ROBO2: variants seen among roughly 807,000 people sequenced by gnomAD.
ROBO2 encodes roundabout homolog 2.
Under a neutral mutation model 160.8 loss-of-function variants are expected in ROBO2, and 53 were observed. The observed-to-expected ratio is 0.33, with a 90% CI of 0.26 to 0.41. ROBO2 has a LOEUF of 0.41. Ranked by LOEUF, ROBO2 falls within the 10% of genes least tolerant of loss-of-function variation. The probability of loss-of-function intolerance (pLI) is 1.00; values close to 1 mark genes in which losing one functional copy is unlikely to be tolerated. For synonymous variants in ROBO2, 664 were observed against 611.7 expected (o/e 1.09, Z -1.26); for missense variants, 1,577 against 1,722.4 (o/e 0.92, Z 1.49).
intron 1 of ROBO2, among the ~76,000 whole-genome samples, chr3:77,065,533 T>C (rs2066750786): frequency 6.6e-6 from 1 of 152,142 alleles, no homozygotes; most frequent in Non-Finnish European, 1.5e-5. Context: ...TAGTCAGATG[T>C]CATTTGAGTA....
intron 6 of ROBO2, among the ~76,000 whole-genome samples, chr3:77,526,050 A>G (rs1250329802): frequency 6.6e-6 from 1 of 151,384 alleles, no homozygotes; most frequent in African/African-American, 2.4e-5. Context: ...CTGCAAAAAG[A>G]AAGAAATCGT....
chr3:76,381,588 A>T (rs1164654383), intron 2 of ROBO2, among the ~76,000 whole-genome samples: 1 of 152,044 alleles, frequency 6.6e-6, no homozygotes, highest in African/African-American at 2.4e-5. Flanking sequence ...TGACTTCATG[A>T]TCCACCCACC....
chr3:77,442,067 C>T (rs943175788), intron 2 of ROBO2, among the ~76,000 whole-genome samples: 33 of 152,248 alleles, frequency 2.2e-4, no homozygotes, highest in Non-Finnish European at 4.1e-4. Context: ...AATCCCAGCA[C>T]TTTGGGAGGC....
intron 2 of ROBO2, among the ~76,000 whole-genome samples, chr3:76,042,345 T>G (rs2067299763): frequency 6.6e-6 from 1 of 152,060 alleles, no homozygotes; most frequent in Admixed American, 6.5e-5. Flanking sequence ...TGCACAGGTA[T>G]GTGCGAATAT....
intron 2 of ROBO2, among the ~76,000 whole-genome samples, chr3:76,495,803 C>T (rs965424755): frequency 1.3e-4 from 20 of 152,056 alleles, no homozygotes; most frequent in African/African-American, 4.3e-4. Flanking sequence ...GAGATAAATC[C>T]AGTGTCAGTC....
intron 21 of ROBO2, 122 bp from the exon 23 acceptor site, chr3:77,617,391 A>G (rs2094804262): frequency 8.9e-7 from 1 of 1,121,826 alleles, no homozygotes; most frequent in Non-Finnish European, 1.3e-6. Flanking sequence ...AGCTTCAGGA[A>G]GAAATAAACC....
rs1179397611 is a variant in ROBO2 at position 76,564,068 on chromosome 3, T to C, written c.110-533946T>C. 2.0e-5 allele frequency among the ~76,000 whole-genome samples: 3 copies of C among 152,208 alleles called. No individual in the cohort carries two copies. In the East Asian group the frequency reaches 5.8e-4, roughly 30 times the overall value. On this transcript the variant is annotated intron_variant, in intron 2 of 26. Coordinates refer to the ROBO2 transcript ENST00000487694. ...TAAAAATACAAAAATTAGCCAGGCA[T>C]GGTGGCAGGTGCCTGTAATCCCAGC... is the stretch of plus-strand genomic sequence containing the variant.
intron 2 of ROBO2, among the ~76,000 whole-genome samples, chr3:76,510,179 T>G (rs2107739192): frequency 6.6e-6 from 1 of 152,140 alleles, no homozygotes; most frequent in African/African-American, 2.4e-5. Context: ...TACTTTGTGG[T>G]GAAAGAATAT....
intron 2 of ROBO2, among the ~76,000 whole-genome samples, chr3:76,321,756 A>C (rs2072544980): frequency 6.6e-6 from 1 of 152,074 alleles, no homozygotes; most frequent in Non-Finnish European, 1.5e-5. Flanking sequence ...ATGAATCTAG[A>C]ATTTATAGAA....
At chr3:76,923,817 T>G (rs2076817201) in intron 2 of ROBO2, among the ~76,000 whole-genome samples, 2 of 152,232 alleles carry the variant, frequency 1.3e-5, no homozygotes, top group Non-Finnish European at 2.9e-5. Context: ...TTTCTGTGCT[T>G]CTCCCAAGTT....
intron 2 of ROBO2, among the ~76,000 whole-genome samples, chr3:76,095,119 A>T (rs991872585): frequency 7.2e-5 from 11 of 152,164 alleles, no homozygotes; most frequent in African/African-American, 2.7e-4. Flanking sequence ...AGTATGGGTG[A>T]GTATGAGACT....
intron 1 of ROBO2, 25 bp downstream of exon 1, chr3:77,040,871 T>C (rs779596960): frequency 2.5e-5 from 41 of 1,613,914 alleles, no homozygotes; most frequent in Non-Finnish European, 3.2e-5. Context: ...CTTTCATCTT[T>C]TTTTGCGCCC....
intron 2 of ROBO2, among the ~76,000 whole-genome samples, chr3:76,728,552 T>A (rs189216170): frequency 1.2e-4 from 19 of 152,280 alleles, no homozygotes; most frequent in African/African-American, 4.1e-4. Context: ...TTTTATTCAG[T>A]CCTGTCAGTT....
chr3:77,365,179 A>G (rs1020112980), intron 2 of ROBO2, among the ~76,000 whole-genome samples: 1 of 151,292 alleles, frequency 6.6e-6, no homozygotes, highest in African/African-American at 2.4e-5. Context: ...AAAGAAAAAG[A>G]AGAGGTTCTA....
In ROBO2 at chr3:76,219,768, G is replaced by A. The variant is rs551360795; in HGVS notation, c.109+282166G>A. Among the ~76,000 whole-genome samples, 81 of 152,288 alleles carry A rather than the reference G, an allele frequency of 5.3e-4. No individual in the cohort carries two copies. The South Asian group carries it at 0.016, about 29-fold the overall frequency. On this transcript the variant is annotated intron_variant, in intron 2 of 26. Coordinates refer to the ROBO2 transcript ENST00000487694. Reference sequence around the variant, plus strand: ...TTCAACCATTGTGGAAGTCAGTGTGGCAATTCCTCAGGGATCTAGAACTAG... The same window carrying A: ...TTCAACCATTGTGGAAGTCAGTGTGACAATTCCTCAGGGATCTAGAACTAG...
At chr3:76,445,808 A>T (rs546541465) in intron 2 of ROBO2, among the ~76,000 whole-genome samples, 1 of 152,310 alleles carries the variant, frequency 6.6e-6, no homozygotes, top group South Asian at 2.1e-4. Context: ...ATCTCAACAG[A>T]TGAAGAAAAG....
intron 2 of ROBO2, among the ~76,000 whole-genome samples, chr3:76,634,563 G>A (rs1009930103): frequency 1.1e-4 from 14 of 125,974 alleles, no homozygotes; most frequent in South Asian, 2.7e-4. Flanking sequence ...GTGAGACTTC[G>A]TCTCAAAGAG....
intron 2 of ROBO2, among the ~76,000 whole-genome samples, chr3:76,482,164 C>A (rs1285530600): frequency 2.6e-5 from 4 of 152,122 alleles, no homozygotes; most frequent in African/African-American, 4.8e-5. Context: ...TAGAATCACG[C>A]TCTGCAGGTA....
intron 2 of ROBO2, among the ~76,000 whole-genome samples, chr3:76,987,536 AT>A (rs1178535421): frequency 6.6e-6 from 1 of 152,122 alleles, no homozygotes; most frequent in Non-Finnish European, 1.5e-5. Context: ...CTATGTAGCA[AT>A]GTATTTTACT....
Sources: gnomAD v4.1 joint callset for allele counts (sites outside exome capture counted in the v4.1 genomes callset) on GRCh38, gnomAD v4.1.1 for gene constraint, MANE v1.5 for transcripts, NCBI Gene and HGNC (gene_info 2026-07-23, HGNC 2026-07-21) for gene names.